PARD3: variants seen among roughly 807,000 people sequenced by gnomAD.
PARD3 encodes par-3 family cell polarity regulator, also known as partitioning defective 3 homolog.
A neutral mutation model predicts 155.4 loss-of-function variants in PARD3; 75 were observed. The observed-to-expected ratio is 0.48, with a 90% CI of 0.40 to 0.58. The LOEUF is 0.58. Ranked by LOEUF, PARD3 falls within the 20% of genes least tolerant of loss-of-function variation. PARD3 has a pLI of 0.00. For synonymous variants in PARD3, 576 were observed against 610.5 expected (o/e 0.94, Z 0.83); for missense variants, 1,642 against 1,721.7 (o/e 0.95, Z 0.82).
intron 2 of PARD3, among the ~76,000 whole-genome samples, chr10:34,606,547 T>A (rs1185594200): frequency 2.0e-5 from 3 of 150,072 alleles, no homozygotes; most frequent in African/African-American, 7.4e-5. Flanking sequence ...ATGCTTATAA[T>A]TCCAGCCTTT....
chr10:34,482,032 C>CTTTTTTTTTTTTTTTTT (rs58877037), intron 3 of PARD3, among the ~76,000 whole-genome samples: 5 of 101,578 alleles, frequency 4.9e-5, no homozygotes, highest in African/African-American at 1.5e-4. Context: ...TAATTTTTAT[C>CTTTTTTTTTTTTTTTTT]TTTTTTTTTT....
intron 2 of PARD3, among the ~76,000 whole-genome samples, chr10:34,652,342 GAAT>G (rs1019521466): frequency 6.6e-6 from 1 of 152,226 alleles, no homozygotes; most frequent in Non-Finnish European, 1.5e-5. Flanking sequence ...GAGATGAAAA[GAAT>G]AATGGCCCAA....
intron 22 of PARD3, among the ~76,000 whole-genome samples, chr10:34,222,000 C>G (rs1208388267): frequency 6.6e-6 from 1 of 152,276 alleles, no homozygotes; most frequent in East Asian, 1.9e-4. Flanking sequence ...GAACTGTACC[C>G]TTAAAAATGG....
intron 2 of PARD3, among the ~76,000 whole-genome samples, chr10:34,595,443 AC>A (rs1357490367): frequency 6.6e-6 from 1 of 152,242 alleles, no homozygotes; most frequent in African/African-American, 2.4e-5. Flanking sequence ...ATAAAATGTG[AC>A]TACATTCCAT....
At chr10:34,796,843 G>C (rs1490723648) in intron 1 of PARD3, among the ~76,000 whole-genome samples, 1 of 152,180 alleles carries the variant, frequency 6.6e-6, no homozygotes, top group African/African-American at 2.4e-5. Flanking sequence ...AAATTAGCCA[G>C]GCATGGTGGT....
At chr10:34,243,603 C>A (rs1953747244) in intron 22 of PARD3, among the ~76,000 whole-genome samples, 1 of 152,064 alleles carries the variant, frequency 6.6e-6, no homozygotes, top group Non-Finnish European at 1.5e-5. Context: ...TTTGGGAGGC[C>A]AAGGTGGATG....
At chr10:34,303,162 A>ATTTTTTTTT (rs5784409) in intron 20 of PARD3, among the ~76,000 whole-genome samples, 3 of 132,002 alleles carry the variant, frequency 2.3e-5, no homozygotes, top group African/African-American at 9.0e-5. Context: ...GCCCAGGTGA[A>ATTTTTTTTT]TTTTTTTTTT....
chr10:34,779,361 G>A (rs1027736671), intron 1 of PARD3, among the ~76,000 whole-genome samples: 3 of 151,532 alleles, frequency 2.0e-5, no homozygotes, highest in African/African-American at 7.3e-5. Flanking sequence ...TGTAATCCCA[G>A]CACTTTGGGA....
At chr10:34,638,045 A>T (rs2092545709) in intron 2 of PARD3, among the ~76,000 whole-genome samples, 1 of 152,190 alleles carries the variant, frequency 6.6e-6, no homozygotes, top group South Asian at 2.1e-4. Flanking sequence ...AATTCAGTCC[A>T]CAGAATATAA....
chr10:34,709,603 C>G (rs2094421005), intron 1 of PARD3, among the ~76,000 whole-genome samples: 1 of 151,658 alleles, frequency 6.6e-6, no homozygotes, highest in Non-Finnish European at 1.5e-5. Flanking sequence ...CTATGACTAC[C>G]CCTGGGCTGA....
chr10:34,788,411 G>A (rs957131659), intron 1 of PARD3, among the ~76,000 whole-genome samples: 5 of 150,036 alleles, frequency 3.3e-5, no homozygotes, highest in Non-Finnish European at 7.4e-5. Context: ...CATCTACCAC[G>A]CAGCCACTGC....
At chr10:34,266,360 T>C (rs1419436206) in intron 22 of PARD3, among the ~76,000 whole-genome samples, 4 of 152,222 alleles carry the variant, frequency 2.6e-5, no homozygotes, top group Admixed American at 6.5e-5. Flanking sequence ...TAAAGGCAGA[T>C]GAAGAAGTGC....
chr10:34,681,764 ATATATTTTTTTTTTTTT>A (rs2093842745), intron 2 of PARD3, among the ~76,000 whole-genome samples: 1 of 21,872 alleles, frequency 4.6e-5, no homozygotes, highest in African/African-American at 2.6e-4. Flanking sequence ...ATATATATAT[ATATATTTTTTTTTTTTT>A]TTTTTTTTTT....
At chr10:34,794,858 AT>A (rs144415088) in intron 1 of PARD3, among the ~76,000 whole-genome samples, 5,614 of 151,380 alleles carry the variant, frequency 0.037, 140 homozygotes, top group Non-Finnish European at 0.051. Context: ...ATAAAAAAAA[AT>A]GTTTGATGTT....
chr10:34,554,251 A>C (rs2084814285), intron 2 of PARD3, among the ~76,000 whole-genome samples: 1 of 152,254 alleles, frequency 6.6e-6, no homozygotes, highest in Non-Finnish European at 1.5e-5. Context: ...ACAAAAATGT[A>C]ACATGTAGAT....
chr10:34,656,860 T>G (rs913342635), intron 2 of PARD3, among the ~76,000 whole-genome samples: 2 of 152,198 alleles, frequency 1.3e-5, no homozygotes, highest in African/African-American at 4.8e-5. Flanking sequence ...CGCTCTTGTA[T>G]TTGGGAACAG....
At chr10:34,145,023 C>T (rs1035895862) in intron 22 of PARD3, among the ~76,000 whole-genome samples, 3 of 151,692 alleles carry the variant, frequency 2.0e-5, no homozygotes, top group Non-Finnish European at 4.4e-5. Flanking sequence ...TGTATGTATT[C>T]TATCATTACC....
intron 6 of PARD3, among the ~76,000 whole-genome samples, chr10:34,401,223 G>A (rs1003817619): frequency 6.6e-6 from 1 of 152,096 alleles, no homozygotes; most frequent in African/African-American, 2.4e-5. Context: ...ATTTACACAT[G>A]TCAATATTTA....
chr10:34,558,850 G>A (rs1484124265), intron 2 of PARD3, among the ~76,000 whole-genome samples: 1 of 152,176 alleles, frequency 6.6e-6, no homozygotes, highest in Non-Finnish European at 1.5e-5. Context: ...AGGAGGCTGA[G>A]GCAGAAGAAT....
Sources: allele counts gnomAD v4.1 joint callset (sites outside exome capture counted in the v4.1 genomes callset), GRCh38; gene constraint gnomAD v4.1.1; transcripts MANE v1.5; gene names NCBI Gene and HGNC (gene_info 2026-07-23, HGNC 2026-07-21).